Variants in BTRC observed in about 807,000 individuals in gnomAD.
BTRC encodes the protein F-box/WD repeat-containing protein 1A.
A neutral mutation model predicts 85.5 loss-of-function variants in BTRC; 42 were observed. That is an observed-to-expected ratio of 0.49 (90% CI 0.38 to 0.64). The LOEUF (loss-of-function observed/expected upper bound fraction) is 0.64. BTRC is among the 30% of genes least tolerant of loss of function. The probability of loss-of-function intolerance (pLI) is 0.00; values close to 1 mark genes in which losing one functional copy is unlikely to be tolerated. For missense variants in BTRC, 594 were observed against 743.5 expected (o/e 0.80, Z 2.34); for synonymous variants, 255 against 263.3 (o/e 0.97, Z 0.30).
intron 1 of BTRC, among the ~76,000 whole-genome samples, chr10:101,370,789 C>G (rs1475877602): frequency 6.6e-6 from 1 of 152,006 alleles, no homozygotes; most frequent in Non-Finnish European, 1.5e-5. Flanking sequence ...CCAGGCTGGT[C>G]TCAAGCTCCT....
At chr10:101,414,132 C>T (rs1351575245) in intron 1 of BTRC, among the ~76,000 whole-genome samples, 1 of 152,150 alleles carries the variant, frequency 6.6e-6, no homozygotes, top group East Asian at 1.9e-4. Context: ...CCCCATTACC[C>T]ATCACCTCTC....
At chr10:101,430,619 A>T (rs919106488) in intron 2 of BTRC, among the ~76,000 whole-genome samples, 167 bp downstream of exon 2, 4 of 152,220 alleles carry the variant, frequency 2.6e-5, no homozygotes, top group Admixed American at 1.3e-4. Context: ...TTTATAATGT[A>T]GACCCAGACT....
intron 2 of BTRC, among the ~76,000 whole-genome samples, chr10:101,460,558 G>A (rs1030884687): frequency 1.3e-5 from 2 of 152,132 alleles, no homozygotes; most frequent in African/African-American, 4.8e-5. Flanking sequence ...AACCTCATAA[G>A]ATATTTCTGC....
rs144737671 is a variant in BTRC at position 101,498,820 on chromosome 10, G to A, written c.324+19363G>A. ...AGCCTGACCAACATGGTGAAACCCC[G>A]TCTCTACTAAAAATACAAAAAAAGT... On this transcript the variant is annotated intron_variant, in intron 4 of 14. Transcript: ENST00000370187. Among the ~76,000 whole-genome samples the A allele has an allele frequency of 3.2e-3, 493 of 152,050 alleles. 3 individuals carry two copies. The highest frequency in any genetic ancestry group is 0.013 in the East Asian group (67 of 5,132).
rs2062373735 is a variant in BTRC at position 101,535,569 on chromosome 10, A to G, written c.1466+97A>G. On this transcript the variant is annotated intron_variant, in intron 11 of 14. Transcript: ENST00000370187. The stretch of plus-strand genomic sequence containing the variant: ...ACAAGTCTTCAATTTTGTTATGTTT[A>G]TAATCAACTGTTTTTCCTTTCTGTA... The G allele has an allele frequency of 7.2e-6, 6 of 837,388 alleles. No homozygotes were observed. In the South Asian group the frequency reaches 1.2e-4, roughly 16 times the overall value. The allele number at this position is 837,388 out of a possible 1,614,324, so 51.9% of individuals were successfully genotyped here. A position where few individuals can be genotyped will look rare whatever the true frequency, so the allele number is the denominator to read the frequency against.
chr10:101,543,120 C>G (rs1177005928), intron 13 of BTRC, among the ~76,000 whole-genome samples: 1 of 152,170 alleles, frequency 6.6e-6, no homozygotes. Context: ...TCAGGTGATC[C>G]ACACACCTCG....
intron 3 of BTRC, among the ~76,000 whole-genome samples, chr10:101,472,029 G>A (rs1420237345): frequency 6.6e-6 from 1 of 152,114 alleles, no homozygotes; most frequent in East Asian, 1.9e-4. Flanking sequence ...CAGTCCTGGA[G>A]TCAACCATAT....
intron 1 of BTRC, among the ~76,000 whole-genome samples, chr10:101,385,565 T>C (rs1231686177): frequency 1.4e-5 from 2 of 146,280 alleles, no homozygotes; most frequent in Non-Finnish European, 3.0e-5. Flanking sequence ...AATTCAAGGC[T>C]TTTTTTTTTA....
At position 101,443,256 on chromosome 10, in the gene BTRC, A is replaced by G. The variant is rs540207553; in HGVS notation, c.156+12804A>G. Among the ~76,000 whole-genome samples the G allele has an allele frequency of 3.9e-5, 6 of 152,308 alleles. No individual in the cohort carries two copies. In the East Asian group the frequency reaches 1.2e-3, roughly 29 times the overall value. The stretch of plus-strand genomic sequence containing the variant: ...GCAAGTTTTAAACCCTCCTAAGTGA[A>G]GTCAGTTATTTTGTTCCTTTAAAAG... On this transcript the variant is annotated intron_variant, in intron 2 of 14. Coordinates refer to ENST00000370187, the MANE Select transcript of BTRC (RefSeq NM_033637.4).
In BTRC at chr10:101,369,950, T is replaced by G. The variant is rs148651181; in HGVS notation, c.48+15722T>G. Among the ~76,000 whole-genome samples, 7 of 152,288 alleles carry G rather than the reference T, an allele frequency of 4.6e-5. No individual in the cohort carries two copies. The South Asian group carries it at 8.3e-4, about 18-fold the overall frequency. On this transcript the variant is annotated intron_variant, in intron 1 of 14. Coordinates refer to ENST00000370187, the MANE Select transcript of BTRC (RefSeq NM_033637.4). ...CACTATATAGATGCCGTCCTTGACT[T>G]ACTTAGGCTCCAAAACCCCATGTCA...
intron 4 of BTRC, among the ~76,000 whole-genome samples, chr10:101,480,417 T>C (rs1945802737): frequency 6.6e-6 from 1 of 152,208 alleles, no homozygotes; most frequent in Non-Finnish European, 1.5e-5. Flanking sequence ...AATTTTTTTC[T>C]TATAGGGGCT....
chr10:101,395,368 C>T (rs1338594621), intron 1 of BTRC, among the ~76,000 whole-genome samples: 1 of 152,094 alleles, frequency 6.6e-6, no homozygotes, highest in Non-Finnish European at 1.5e-5. Context: ...TGCTGCTGTT[C>T]TTCCTCCCTT....
intron 6 of BTRC, among the ~76,000 whole-genome samples, chr10:101,528,234 T>C (rs1465671629): frequency 6.6e-6 from 1 of 152,202 alleles, no homozygotes; most frequent in Non-Finnish European, 1.5e-5. Context: ...GGGAGTTTAC[T>C]GAGTCCTTTT....
At chr10:101,549,049 T>A (rs1297041185) in intron 13 of BTRC, among the ~76,000 whole-genome samples, 2 of 150,236 alleles carry the variant, frequency 1.3e-5, no homozygotes, top group African/African-American at 4.9e-5. Context: ...CGAGACTCTG[T>A]CTCAAAAAAA....
In BTRC at chr10:101,382,143, C is replaced by A. The variant is rs570008847; in HGVS notation, c.48+27915C>A. 1.8e-4 allele frequency among the ~76,000 whole-genome samples: 27 copies of A among 151,602 alleles called. No individual in the cohort carries two copies. In the South Asian group the frequency reaches 2.3e-3, roughly 13 times the overall value. On this transcript the variant is annotated intron_variant, in intron 1 of 14. Transcript: ENST00000370187. Reference sequence around the variant, plus strand: ...TATTACAGGCACCTGCCACCACGCCCGGTTAATTTTTGTATTTTTAGTAGA... The same window carrying A: ...TATTACAGGCACCTGCCACCACGCCAGGTTAATTTTTGTATTTTTAGTAGA...
rs768642809 is a variant in BTRC, at chr10:101,393,893, A to G, written c.49-36452A>G. On this transcript the variant is annotated intron_variant, in intron 1 of 14. Transcript: ENST00000370187. ...CTCATTTTCTCTCCAGATTTCATATATTGTGGAAAAGCAGTTGAATGAGAA... is the reference window on the plus strand; with the variant it reads ...CTCATTTTCTCTCCAGATTTCATATGTTGTGGAAAAGCAGTTGAATGAGAA... Among the ~76,000 whole-genome samples, 117 of 152,308 alleles carry G rather than the reference A, an allele frequency of 7.7e-4. 1 individual carries two copies. The highest frequency in any genetic ancestry group is 1.5e-3 in the Non-Finnish European group (104 of 68,036).
At chr10:101,427,434 T>G (rs973241017) in intron 1 of BTRC, among the ~76,000 whole-genome samples, 1 of 151,202 alleles carries the variant, frequency 6.6e-6, no homozygotes. Flanking sequence ...GCATTTCTTA[T>G]AACAATGAGT....
Position 101,521,843 on chromosome 10 carries a change from C to T in BTRC, c.529C>T (p.Gln177Ter). 6.2e-7 allele frequency: 1 copy of T among 1,613,078 alleles called. No homozygotes were observed. Among genetic ancestry groups the T allele is most frequent in the Non-Finnish European group, 8.5e-7 (1 of 1,179,200 alleles). The change falls in exon 5 of 15, where the codon CAG becomes TAG. Residue 177 changes from glutamine (Q) to a stop codon, truncating the protein, a stop_gained. Transcript: ENST00000370187. LOFTEE classifies it high-confidence loss of function. ...HINSYLKPML[Q>*]RDFITALPAR... ...AAACTCGTATCTTAAACCTATGTTG[C>T]AGAGAGATTTCATAACTGCTCTGCC...
chr10:101,431,356 C>A (rs1944400554), intron 2 of BTRC, among the ~76,000 whole-genome samples: 1 of 151,734 alleles, frequency 6.6e-6, no homozygotes, highest in East Asian at 1.9e-4. Flanking sequence ...GAATTACAGG[C>A]AAGAACCACC....
Sources: allele counts gnomAD v4.1 joint callset (sites outside exome capture counted in the v4.1 genomes callset), GRCh38; gene constraint gnomAD v4.1.1; transcripts MANE v1.5; gene names NCBI Gene and HGNC (gene_info 2026-07-23, HGNC 2026-07-21).